The following RYR2 variants were observed in gnomAD, a reference collection of about 807,000 sequenced individuals.
RYR2 encodes the protein ryanodine receptor 2, also known as cardiac muscle ryanodine receptor-calcium release channel.
A neutral mutation model predicts 601.1 loss-of-function variants in RYR2; 227 were observed. The observed-to-expected ratio is 0.38, with a 90% CI of 0.34 to 0.42. The LOEUF (loss-of-function observed/expected upper bound fraction) is 0.42. RYR2 is among the 10% of genes least tolerant of loss of function. The probability of loss-of-function intolerance (pLI) is 1.00; values close to 1 mark genes in which losing one functional copy is unlikely to be tolerated. For synonymous variants in RYR2, 2,223 were observed against 2,175.1 expected, an observed-to-expected ratio of 1.02 and a Z score of -0.61; for missense variants, 4,646 against 6,156.5, an observed-to-expected ratio of 0.75 and a Z score of 8.21.
At chr1:237,588,278 A>G (rs1291280242) in intron 29 of RYR2, among the ~76,000 whole-genome samples, 1 of 152,128 alleles carries the variant, frequency 6.6e-6, no homozygotes, top group Non-Finnish European at 1.5e-5. Context: ...TAAAATCATT[A>G]TGAATTATTG....
intron 8 of RYR2, among the ~76,000 whole-genome samples, chr1:237,383,417 G>GTTTTTTTTTTTTTTTTTTTTTTTTTTTTT (rs10567644): frequency 2.0e-5 from 1 of 50,580 alleles, no homozygotes; most frequent in Non-Finnish European, 3.8e-5. Flanking sequence ...CTTTTTTCTT[G>GTTTTTTTTTTTTTTTTTTTTTTTTTTTTT]TTTTTTTTTT....
rs1573104249 is a variant in RYR2, at chr1:237,610,892, A to G, written c.4814A>G (p.Lys1605Arg). The G allele has an allele frequency of 6.2e-7, 1 of 1,613,444 alleles. No individual in the cohort carries two copies. The highest frequency in any genetic ancestry group is 8.5e-7 in the Non-Finnish European group (1 of 1,179,692). Reference sequence around the variant, plus strand: ...AGCAGAATGCCCAACCAGTTTTTGAAGGTAGATGTGTCTCGAATAAGTGAA... The same window carrying G: ...AGCAGAATGCCCAACCAGTTTTTGAGGGTAGATGTGTCTCGAATAAGTGAA... ...LWSRMPNQFL[K>R]VDVSRISERQ... The change falls in exon 36 of 105, where the codon AAG becomes AGG. Residue 1605 changes from lysine (K) to arginine (R), a missense_variant. Coordinates refer to ENST00000366574, the MANE Select transcript of RYR2 (RefSeq NM_001035.3). The surrounding 1 kb of genome is among the most constrained non-coding windows in gnomAD (Gnocchi z 4.9).
At chr1:237,114,120 A>C (rs769193751) in intron 1 of RYR2, among the ~76,000 whole-genome samples, 5 of 152,214 alleles carry the variant, frequency 3.3e-5, no homozygotes, top group Non-Finnish European at 7.3e-5. Flanking sequence ...GTATAAGTTT[A>C]TATCAAACCA....
At chr1:237,451,071 T>A (rs1341640256) in intron 14 of RYR2, among the ~76,000 whole-genome samples, 1 of 152,088 alleles carries the variant, frequency 6.6e-6, no homozygotes, top group Non-Finnish European at 1.5e-5. Flanking sequence ...AAGTTTCACT[T>A]AAATGCACAG....
chr1:237,758,189 C>T (rs1395515875), intron 82 of RYR2, among the ~76,000 whole-genome samples: 1 of 152,082 alleles, frequency 6.6e-6, no homozygotes, highest in East Asian at 1.9e-4. Context: ...AAACATTTAT[C>T]AAAAAATAAT....
chr1:237,343,641 G>A (rs1395613817), intron 3 of RYR2, among the ~76,000 whole-genome samples: 3 of 152,062 alleles, frequency 2.0e-5, no homozygotes, highest in African/African-American at 7.2e-5. Flanking sequence ...ATAGTTTCCA[G>A]AATAGAAGTA....
At chr1:237,155,823 C>T (rs1336215848) in intron 1 of RYR2, among the ~76,000 whole-genome samples, 1 of 152,160 alleles carries the variant, frequency 6.6e-6, no homozygotes, top group Non-Finnish European at 1.5e-5. Flanking sequence ...AATTTACCAT[C>T]ACCATGGCAT....
chr1:237,616,532 G>T (rs886775997), intron 37 of RYR2, among the ~76,000 whole-genome samples: 6 of 152,064 alleles, frequency 3.9e-5, no homozygotes, highest in African/African-American at 1.4e-4. Flanking sequence ...TTCCTAAAAT[G>T]CTCACCTTAT....
rs746461178 is a variant in RYR2 at position 237,417,094 on chromosome 1, C to T, written c.819C>T (p.Ser273=). The change falls in exon 11 of 105, where the codon TCC becomes TCT. Residue 273 remains serine (S), a synonymous_variant. Transcript: ENST00000366574. ...EGGAVSVHAR[S]LWRLETLRVA... ...GCGCTGTGTCTGTTCATGCACGTTC[C>T]CTTTGGAGACTAGAGACGCTAAGAG... 11 of 1,613,642 alleles carry T rather than the reference C, an allele frequency of 6.8e-6. No homozygotes were observed. The highest frequency in any genetic ancestry group is 4.5e-5 in the East Asian group (2 of 44,866).
intron 1 of RYR2, among the ~76,000 whole-genome samples, chr1:237,188,560 C>CT (rs1363003167): frequency 3.3e-5 from 5 of 151,486 alleles, no homozygotes; most frequent in Admixed American, 6.6e-5. Context: ...AACATGGATT[C>CT]TTTTTTTTTC....
intron 80 of RYR2, among the ~76,000 whole-genome samples, chr1:237,751,570 C>T (rs2149247345): frequency 6.6e-6 from 1 of 152,206 alleles, no homozygotes; most frequent in East Asian, 1.9e-4. Context: ...AATAATATTC[C>T]ACCCAAAATG....
At chr1:237,523,366 A>G (rs1274150981) in intron 24 of RYR2, among the ~76,000 whole-genome samples, 1 of 152,256 alleles carries the variant, frequency 6.6e-6, no homozygotes. Flanking sequence ...ACCAATCCTA[A>G]CAAAGGACTT....
At chr1:237,066,653 T>C (rs1663659807) in intron 1 of RYR2, among the ~76,000 whole-genome samples, 1 of 151,966 alleles carries the variant, frequency 6.6e-6, no homozygotes, top group African/African-American at 2.4e-5. Context: ...TTTTTTTTTT[T>C]TTCTTCGAGA....
At chr1:237,360,954 C>A (rs903609075) in intron 4 of RYR2, among the ~76,000 whole-genome samples, 2 of 152,184 alleles carry the variant, frequency 1.3e-5, no homozygotes, top group African/African-American at 2.4e-5. Context: ...GATAGTCCCA[C>A]CTCAGCCTCC....
rs1415145730 is a variant in RYR2, at chr1:237,781,662, A to G, written c.11962+16A>G. ...ATGTTAGAAGGTAGTTTTGATTTATACTTTTAAATTCTCTTTATTATCTTA... is the reference window on the plus strand; with the variant it reads ...ATGTTAGAAGGTAGTTTTGATTTATGCTTTTAAATTCTCTTTATTATCTTA... On this transcript the variant is annotated intron_variant, in intron 89 of 104. Transcript: ENST00000366574. 2.2e-6 allele frequency: 3 copies of G among 1,358,630 alleles called. No individual in the cohort carries two copies. Among genetic ancestry groups the G allele is most frequent in the Non-Finnish European group, 3.1e-6 (3 of 965,694 alleles). 84.2% of individuals were successfully genotyped at this position (1,358,630 alleles called of 1,614,324 possible). A position where few individuals can be genotyped will look rare whatever the true frequency, so the allele number is the denominator to read the frequency against.
chr1:237,623,761 T>G lies in RYR2; in HGVS notation c.5917-4T>G. ...TTCCTCTTTCTTGTTTTTCAAACTT[T>G]CAGATCAATATGCTTCTCAATTTTA... is the stretch of plus-strand genomic sequence containing the variant. On this transcript the variant is annotated splice_region_variant and splice_polypyrimidine_tract_variant and intron_variant, in intron 38 of 104. Transcript: ENST00000366574. 1 of 1,583,352 alleles carries G rather than the reference T, an allele frequency of 6.3e-7. No homozygotes were observed. Among genetic ancestry groups the G allele is most frequent in the Non-Finnish European group, 8.7e-7 (1 of 1,155,686 alleles).
chr1:237,650,963 A>G (rs1314320019), intron 50 of RYR2, among the ~76,000 whole-genome samples: 1 of 152,242 alleles, frequency 6.6e-6, no homozygotes, highest in Non-Finnish European at 1.5e-5. Context: ...TTCACTGTGT[A>G]CATTTTCTCT....
intron 1 of RYR2, among the ~76,000 whole-genome samples, chr1:237,140,530 A>C (rs753145528): frequency 5.9e-5 from 9 of 152,216 alleles, no homozygotes; most frequent in Admixed American, 2.0e-4. Context: ...TACTCACAGA[A>C]CTTATTTATG....
intron 1 of RYR2, among the ~76,000 whole-genome samples, chr1:237,217,636 G>T (rs1683335254): frequency 6.6e-6 from 1 of 152,188 alleles, no homozygotes; most frequent in Admixed American, 6.5e-5. Flanking sequence ...GTACATGTCA[G>T]CGGTGGTGGT....
Sources: gnomAD v4.1 joint callset for allele counts (sites outside exome capture counted in the v4.1 genomes callset) on GRCh38, gnomAD v4.1.1 for gene constraint, Gnocchi (gnomAD v3.1) non-coding constraint, MANE v1.5 for transcripts, NCBI Gene and HGNC (gene_info 2026-07-23, HGNC 2026-07-21) for gene names.